ZNF493: variants seen among roughly 807,000 people sequenced by gnomAD.
ZNF493 encodes zinc finger protein 493.
ZNF493 carries 11 observed loss-of-function variants against 12.2 expected under a neutral mutation model. The ratio of observed to expected loss-of-function variants is 0.90; its 90% confidence interval spans 0.57 to 1.50. ZNF493 has a LOEUF of 1.50. Ranked by LOEUF, ZNF493 falls within the 40% of genes most tolerant of loss-of-function variation. The probability of loss-of-function intolerance (pLI) is 0.00; values close to 1 mark genes in which losing one functional copy is unlikely to be tolerated. For missense variants in ZNF493, 950 were observed against 906.6 expected, an observed-to-expected ratio of 1.05 and a Z score of -0.61; for synonymous variants, 286 against 302.6, an observed-to-expected ratio of 0.95 and a Z score of 0.57.
At position 21,424,751 on chromosome 19, in the gene ZNF493, T is replaced by G; in HGVS notation, c.2092T>G (p.Ser698Ala). 1 of 1,613,298 alleles carries G rather than the reference T, an allele frequency of 6.2e-7. No individual in the cohort carries two copies. The highest frequency in any genetic ancestry group is 8.5e-7 in the Non-Finnish European group (1 of 1,179,606). Reference protein sequence around the residue: ...EKCGKTFYRFSNLNTHKIIHT... With the variant: ...EKCGKTFYRFANLNTHKIIHT... Reference sequence around the variant, plus strand: ...ATGTGGCAAAACTTTCTACCGATTCTCAAACCTTAATACGCATAAGATAAT... The same window carrying G: ...ATGTGGCAAAACTTTCTACCGATTCGCAAACCTTAATACGCATAAGATAAT... Residue 698 changes from serine (S) to alanine (A), a missense_variant, in exon 4 of 4, where the codon TCA becomes GCA. Transcript: ENST00000392288.
At position 21,424,810 on chromosome 19, in the gene ZNF493, A is replaced by T; in HGVS notation, c.2151A>T (p.Glu717Asp). Residue 717 changes from glutamate (E) to aspartate (D), a missense_variant, in exon 4 of 4, where the codon GAA becomes GAT. Physicochemically the swap from Glu to Asp is conservative, Grantham distance 45 (BLOSUM62 2). Transcript: ENST00000392288. Reference protein sequence around the residue: ...HTGEKPCKCEECGKAFNHSSN... With the variant: ...HTGEKPCKCEDCGKAFNHSSN... ...GAGAGAAACCTTGCAAATGTGAAGA[A>T]TGTGGCAAAGCTTTTAACCATTCCT... 6.2e-7 allele frequency: 1 copy of T among 1,613,650 alleles called. No individual in the cohort carries two copies. Among genetic ancestry groups the T allele is most frequent in the Non-Finnish European group, 8.5e-7 (1 of 1,179,722 alleles).
rs928757292 is a variant in ZNF493 at position 21,426,631 on chromosome 19, A to G, written c.*1647A>G. On this transcript the variant is annotated 3_prime_UTR_variant, in exon 4 of 4. Coordinates refer to ENST00000392288, the MANE Select transcript of ZNF493 (RefSeq NM_001076678.3). Reference sequence around the variant, plus strand: ...CTTTGTTCAACATCAGGGAATTTATATTGGAGAGCTGTCTTGCAAATGTAA... The same window carrying G: ...CTTTGTTCAACATCAGGGAATTTATGTTGGAGAGCTGTCTTGCAAATGTAA... 1 of 166,918 alleles carries G rather than the reference A, an allele frequency of 6.0e-6. No homozygotes were observed. Among genetic ancestry groups the G allele is most frequent in the African/African-American group, 2.4e-5 (1 of 41,472 alleles). The allele number at this position is 166,918 out of a possible 1,614,324, so 10.3% of individuals were successfully genotyped here.
chr19:21,406,362 T>C (rs1182965207), intron 3 of ZNF493, among the ~76,000 whole-genome samples: 1 of 152,124 alleles, frequency 6.6e-6, no homozygotes, highest in Non-Finnish European at 1.5e-5. Context: ...TTTTTGTTGT[T>C]CTTTTTCTCA....
intron 1 of ZNF493, among the ~76,000 whole-genome samples, chr19:21,404,453 T>C (rs2145268693): frequency 6.6e-6 from 1 of 152,362 alleles, no homozygotes; most frequent in East Asian, 1.9e-4. Flanking sequence ...TTATTAAGTA[T>C]CTTTATGTAG....
chr19:21,399,739 A>G (rs535881802), intron 1 of ZNF493, among the ~76,000 whole-genome samples: 1 of 152,118 alleles, frequency 6.6e-6, no homozygotes, highest in African/African-American at 2.4e-5. Context: ...GGGTGATTTC[A>G]AACAGAATTT....
intron 3 of ZNF493, among the ~76,000 whole-genome samples, chr19:21,418,452 C>A (rs11668691): frequency 5.3e-5 from 8 of 151,968 alleles, no homozygotes; most frequent in East Asian, 3.9e-4. Flanking sequence ...CTTGGGTGTC[C>A]TCCGGCTTAG....
chr19:21,423,161 A>T lies in ZNF493; in HGVS notation c.502A>T (p.Asn168Tyr). 6.2e-7 allele frequency: 1 copy of T among 1,613,446 alleles called. No homozygotes were observed. The highest frequency in any genetic ancestry group is 1.1e-5 in the South Asian group (1 of 90,894). Residue 168 changes from asparagine (N) to tyrosine (Y), a missense_variant, in exon 4 of 4, where the codon AAT becomes TAT. Coordinates refer to ENST00000392288, the MANE Select transcript of ZNF493 (RefSeq NM_001076678.3). The stretch of plus-strand genomic sequence containing the variant: ...TGTGAAAGTCTTTCATAAACTTTTA[A>T]ATTCAAATAGACATAACACAAAACA... ...KYVKVFHKLLNSNRHNTKHTG... is the reference protein window; with the variant it reads ...KYVKVFHKLLYSNRHNTKHTG...
chr19:21,401,248 A>G (rs1223551663), intron 1 of ZNF493, among the ~76,000 whole-genome samples: 5 of 152,208 alleles, frequency 3.3e-5, no homozygotes, highest in African/African-American at 4.8e-5. Flanking sequence ...TTACTTGAGG[A>G]GTAACATTTA....
Position 21,422,957 on chromosome 19 carries a change from A to G in ZNF493, c.298A>G (p.Ile100Val). 6.3e-7 allele frequency: 1 copy of G among 1,593,190 alleles called. No individual in the cohort carries two copies. Among genetic ancestry groups the G allele is most frequent in the Non-Finnish European group, 8.5e-7 (1 of 1,171,294 alleles). ...FAEDFCPGPG[I>V]KDSFQKVILR... ...TGAAGACTTTTGCCCAGGGCCAGGCATTAAAGATTCTTTTCAAAAAGTGAT... is the reference window on the plus strand; with the variant it reads ...TGAAGACTTTTGCCCAGGGCCAGGCGTTAAAGATTCTTTTCAAAAAGTGAT... Residue 100 changes from isoleucine to valine, a missense_variant, in exon 4 of 4, where the codon ATT (isoleucine) becomes GTT (valine). By Grantham distance (29) the Ile-to-Val change is conservative (BLOSUM62 3). Coordinates refer to ENST00000392288, the MANE Select transcript of ZNF493 (RefSeq NM_001076678.3).
intron 1 of ZNF493, among the ~76,000 whole-genome samples, chr19:21,403,870 C>G (rs979419410): frequency 6.6e-6 from 1 of 151,980 alleles, no homozygotes; most frequent in African/African-American, 2.4e-5. Context: ...TCTACACTCT[C>G]TAAATCATGG....
Position 21,423,144 on chromosome 19 carries a change from T to C in ZNF493, c.485T>C (p.Val162Ala). The C allele has an allele frequency of 6.2e-7, 1 of 1,613,572 alleles. No individual in the cohort carries two copies. Among genetic ancestry groups the C allele is most frequent in the Non-Finnish European group, 8.5e-7 (1 of 1,179,744 alleles). Residue 162 changes from valine to alanine, a missense_variant, in exon 4 of 4, where the codon GTC becomes GCC. By Grantham distance (64) the Val-to-Ala change is moderately conservative. Coordinates refer to ENST00000392288, the MANE Select transcript of ZNF493 (RefSeq NM_001076678.3). Reference protein sequence around the residue: ...KIFQCDKYVKVFHKLLNSNRH... With the variant: ...KIFQCDKYVKAFHKLLNSNRH... ...TTTCAATGTGATAAATATGTGAAAG[T>C]CTTTCATAAACTTTTAAATTCAAAT... is the stretch of plus-strand genomic sequence containing the variant.
chr19:21,398,028 C>T (rs1212398220), intron 1 of ZNF493: 1 of 151,990 alleles, frequency 6.6e-6, no homozygotes, highest in Non-Finnish European at 1.5e-5. Context: ...GTCTAATTGC[C>T]TGCCACTTAA....
rs553186099 is a variant in ZNF493 at position 21,409,395 on chromosome 19, AAATT to A, written c.253+3544_253+3547del. ...TATTTTTTTCAGTTTTTCTGTTAGA[AAATT>A]AATTGTTGTAAAAACACATAAAATT... On this transcript the variant is annotated intron_variant, in intron 3 of 3. Coordinates refer to ENST00000392288, the MANE Select transcript of ZNF493 (RefSeq NM_001076678.3). Among the ~76,000 whole-genome samples the A allele has an allele frequency of 2.7e-5, 4 of 150,610 alleles. No homozygotes were observed. In the South Asian group the frequency reaches 8.4e-4, roughly 32 times the overall value.
In ZNF493 at chr19:21,424,314, A is replaced by G. The variant is rs774540059; in HGVS notation, c.1655A>G (p.Lys552Arg). The change falls in exon 4 of 4, where the codon AAA becomes AGA. Residue 552 changes from lysine (K) to arginine (R), a missense_variant. Lys to Arg is a conservative substitution (Grantham distance 26). Coordinates refer to ENST00000392288, the MANE Select transcript of ZNF493 (RefSeq NM_001076678.3). Reference protein sequence around the residue: ...EKPYKCEECGKAFNRSSHLTT... With the variant: ...EKPYKCEECGRAFNRSSHLTT... The stretch of plus-strand genomic sequence containing the variant: ...CCCTACAAATGTGAAGAATGTGGCA[A>G]AGCTTTTAATCGGTCCTCACACCTT... The G allele has an allele frequency of 1.9e-6, 3 of 1,613,732 alleles. No homozygotes were observed. Among genetic ancestry groups the G allele is most frequent in the South Asian group, 2.2e-5 (2 of 91,066 alleles).
intron 3 of ZNF493, among the ~76,000 whole-genome samples, chr19:21,410,653 G>T (rs963676667): frequency 6.6e-6 from 1 of 151,814 alleles, no homozygotes. Context: ...TTCAAGTATA[G>T]TGTAGTTACA....
chr19:21,402,093 G>C (rs898690285), intron 1 of ZNF493, among the ~76,000 whole-genome samples: 2 of 151,714 alleles, frequency 1.3e-5, no homozygotes, highest in African/African-American at 4.8e-5. Context: ...TCAGCCTCCC[G>C]AGTAGCTGGG....
At chr19:21,415,387 C>T (rs2914629) in intron 3 of ZNF493, among the ~76,000 whole-genome samples, 110,309 of 151,940 alleles carry the variant, frequency 0.73, 40,071 homozygotes, top group Middle Eastern at 0.77. Context: ...CCAATTAATG[C>T]CCCCTAGTAA....
At chr19:21,403,146 A>C (rs1351980410) in intron 1 of ZNF493, among the ~76,000 whole-genome samples, 2 of 152,202 alleles carry the variant, frequency 1.3e-5, no homozygotes, top group Middle Eastern at 3.2e-3. Flanking sequence ...AAATCTCTTT[A>C]CTTGTGCTCT....
intron 3 of ZNF493, among the ~76,000 whole-genome samples, chr19:21,422,088 C>T (rs1325294959): frequency 6.6e-6 from 1 of 152,164 alleles, no homozygotes; most frequent in Non-Finnish European, 1.5e-5. Flanking sequence ...TCGTGATCCA[C>T]CCGCCTAGGC....
Sources: allele counts gnomAD v4.1 joint callset (sites outside exome capture counted in the v4.1 genomes callset), GRCh38; gene constraint gnomAD v4.1.1; transcripts MANE v1.5; gene names NCBI Gene and HGNC (gene_info 2026-07-23, HGNC 2026-07-21).